The following CNBD1 variants were observed in gnomAD, a reference collection of about 807,000 sequenced individuals.
The protein encoded by CNBD1 is cyclic nucleotide binding domain containing 1, also known as cyclic nucleotide-binding domain-containing protein 1.
Under a neutral mutation model 54.4 loss-of-function variants are expected in CNBD1, and 71 were observed. The ratio of observed to expected loss-of-function variants is 1.30; its 90% CI spans 1.08 to 1.59. The LOEUF is 1.59. CNBD1 is among the 40% of genes most tolerant of loss of function. CNBD1 has a pLI of 0.00. For missense variants in CNBD1, 659 were observed against 518.0 expected (o/e 1.27, Z -2.64); for synonymous variants, 182 against 170.7 (o/e 1.07, Z -0.51).
intron 6 of CNBD1, among the ~76,000 whole-genome samples, chr8:87,259,775 G>C (rs1269589804): frequency 6.6e-6 from 1 of 152,148 alleles, no homozygotes; most frequent in Non-Finnish European, 1.5e-5. Flanking sequence ...GGTGCCTCCT[G>C]TTTTTCCTAA....
intron 8 of CNBD1, among the ~76,000 whole-genome samples, chr8:87,332,959 G>T (rs1395244213): frequency 6.6e-6 from 1 of 151,726 alleles, no homozygotes; most frequent in South Asian, 2.1e-4. Context: ...AAATTACTTT[G>T]GGCAGTATGG....
At chr8:86,969,793 T>TACACAC (rs10547170) in intron 4 of CNBD1, among the ~76,000 whole-genome samples, 86 of 144,538 alleles carry the variant, frequency 5.9e-4, no homozygotes, top group African/African-American at 1.5e-3. Flanking sequence ...TATATATATA[T>TACACAC]ACACACACAC....
At chr8:87,401,370 A>G (rs756201502) in intron 2 of CNBD1, among the ~76,000 whole-genome samples, 19 of 151,994 alleles carry the variant, frequency 1.3e-4, no homozygotes, top group Non-Finnish European at 2.5e-4. Flanking sequence ...TGCCCCTCCC[A>G]TATATGGCCA....
intron 4 of CNBD1, among the ~76,000 whole-genome samples, chr8:87,131,040 C>T (rs1309712114): frequency 6.6e-6 from 1 of 151,914 alleles, no homozygotes; most frequent in African/African-American, 2.4e-5. Context: ...TAATATGTAT[C>T]TGTCCATTCT....
intron 2 of CNBD1, among the ~76,000 whole-genome samples, chr8:87,416,298 T>G (rs1011828460): frequency 6.6e-6 from 1 of 151,986 alleles, no homozygotes; most frequent in Non-Finnish European, 1.5e-5. Flanking sequence ...CTTCAAACAT[T>G]CTATTTTCTA....
Position 87,228,961 on chromosome 8 carries a change from C to G in CNBD1, c.578-7958C>G, listed in dbSNP as rs535655336. 8.0e-3 allele frequency among the ~76,000 whole-genome samples: 1,216 copies of G among 152,258 alleles called. 14 individuals carry two copies. The highest frequency in any genetic ancestry group is 0.028 in the African/African-American group (1,161 of 41,532). On this transcript the variant is annotated intron_variant, in intron 5 of 10. Transcript: ENST00000518476. ...CTCATGGTGCGCCGTTTTTTAAGCC[C>G]GTCGGAAAAGCGCGGTATTCGGGTG...
intron 4 of CNBD1, among the ~76,000 whole-genome samples, chr8:87,035,748 T>C (rs2130601264): frequency 6.6e-6 from 1 of 152,286 alleles, no homozygotes; most frequent in Admixed American, 6.5e-5. Flanking sequence ...TATAAATGTC[T>C]GGAGGGTGGA....
At chr8:87,321,679 A>G (rs1271974149) in intron 8 of CNBD1, among the ~76,000 whole-genome samples, 1 of 152,124 alleles carries the variant, frequency 6.6e-6, no homozygotes, top group African/African-American at 2.4e-5. Flanking sequence ...TGCTGCACAA[A>G]AACTTTTTAA....
chr8:87,279,819 G>T lies in CNBD1; in HGVS notation c.772-4859G>T, dbSNP rs746310562. On this transcript the variant is annotated intron_variant, in intron 6 of 10. Coordinates refer to ENST00000518476, the MANE Select transcript of CNBD1 (RefSeq NM_173538.3). ...CTTTTCCACTTCTCAGAAAGGCAAG[G>T]ATTGAAAAATAATATATTTATATAT... Among the ~76,000 whole-genome samples, 9 of 151,120 alleles carry T rather than the reference G, an allele frequency of 6.0e-5. No individual in the cohort carries two copies. In the East Asian group the frequency reaches 7.7e-4, roughly 13 times the overall value.
intron 2 of CNBD1, among the ~76,000 whole-genome samples, chr8:86,894,019 A>G (rs1808810853): frequency 1.1e-5 from 1 of 93,664 alleles, no homozygotes; most frequent in South Asian, 3.6e-4. Flanking sequence ...TTTTATTCAT[A>G]TATTTTAATA....
chr8:87,172,556 A>G (rs1010676549), intron 4 of CNBD1, among the ~76,000 whole-genome samples: 22 of 151,808 alleles, frequency 1.4e-4, no homozygotes, highest in Non-Finnish European at 2.6e-4. Context: ...TTGGTGCTCC[A>G]ATGTTACGTG....
At chr8:86,891,829 C>G (rs1338730643) in intron 2 of CNBD1, among the ~76,000 whole-genome samples, 2 of 151,748 alleles carry the variant, frequency 1.3e-5, no homozygotes, top group African/African-American at 4.8e-5. Context: ...TTTGTTGTTG[C>G]TATAGTAAAT....
intron 4 of CNBD1, among the ~76,000 whole-genome samples, chr8:87,203,703 T>A (rs1262452234): frequency 6.6e-6 from 1 of 152,182 alleles, no homozygotes; most frequent in African/African-American, 2.4e-5. Context: ...AAGTCCAGAA[T>A]TTTAGAGGAC....
chr8:87,367,543 T>A (rs1217253015), intron 10 of CNBD1, among the ~76,000 whole-genome samples: 4 of 152,080 alleles, frequency 2.6e-5, no homozygotes, highest in Admixed American at 6.6e-5. Context: ...ATTAAAAAAA[T>A]TGGTACGTTG....
At chr8:87,283,741 T>C (rs1048816357) in intron 6 of CNBD1, among the ~76,000 whole-genome samples, 1 of 152,094 alleles carries the variant, frequency 6.6e-6, no homozygotes, top group African/African-American at 2.4e-5. Flanking sequence ...TCCTAGACTT[T>C]AGGCAAGGAG....
intron 6 of CNBD1, among the ~76,000 whole-genome samples, chr8:87,249,193 C>G (rs942183778): frequency 8.5e-5 from 13 of 152,172 alleles, no homozygotes; most frequent in South Asian, 2.1e-4. Context: ...ATTAGATTCT[C>G]ATAAGGAGCA....
intron 4 of CNBD1, among the ~76,000 whole-genome samples, chr8:87,027,469 A>G (rs1482186592): frequency 1.3e-5 from 2 of 152,124 alleles, no homozygotes; most frequent in Non-Finnish European, 2.9e-5. Flanking sequence ...ATGGGGTTTC[A>G]CCATGTTGAC....
intron 4 of CNBD1, among the ~76,000 whole-genome samples, chr8:87,031,346 A>G (rs66467073): frequency 6.6e-6 from 1 of 151,876 alleles, no homozygotes. Flanking sequence ...CATTGCTTTC[A>G]TAGTAAGGCA....
intron 4 of CNBD1, among the ~76,000 whole-genome samples, chr8:87,085,008 GTGTTTTTTTCT>G: frequency 6.6e-6 from 1 of 152,102 alleles, no homozygotes; most frequent in Non-Finnish European, 1.5e-5. Flanking sequence ...TACTTATGTT[GTGTTTTTTTCT>G]AAGCCTTTTA....
Sources: gnomAD v4.1 joint callset for allele counts (sites outside exome capture counted in the v4.1 genomes callset) on GRCh38, gnomAD v4.1.1 for gene constraint, MANE v1.5 for transcripts, NCBI Gene and HGNC (gene_info 2026-07-23, HGNC 2026-07-21) for gene names.